GGTA1: variants seen among roughly 807,000 people sequenced by gnomAD.
GGTA1 encodes the protein inactive N-acetyllactosaminide alpha-1,3-galactosyltransferase.
A neutral mutation model predicts 2.6 loss-of-function variants in GGTA1; 5 were observed. The ratio of observed to expected loss-of-function variants is 1.92; its 90% confidence interval spans 1.00 to 4.04. The LOEUF (loss-of-function observed/expected upper bound fraction) is 4.04. Among genes scored for constraint, GGTA1 ranks in the 30% most tolerant of loss-of-function variants. The probability of loss-of-function intolerance (pLI) is 0.00; values close to 1 mark genes in which losing one functional copy is unlikely to be tolerated. For missense variants in GGTA1, 50 were observed against 16.7 expected, an observed-to-expected ratio of 2.99 and a Z score of -3.47; for synonymous variants, 17 against 5.0, an observed-to-expected ratio of 3.38 and a Z score of -3.19.
rs111886487 is a variant in GGTA1 at position 121,475,205 on chromosome 9, A to T, written c.-9-7274T>A. On this transcript the variant is annotated intron_variant, in intron 1 of 5. Coordinates refer to ENST00000481799, the MANE Select transcript of GGTA1 (RefSeq NM_001382585.1). ...CCAAACCAAGATGGCGATGAGAGTGACCTCTGGTCCTCCTCACTGCTACAC... is the reference window on the plus strand; with the variant it reads ...CCAAACCAAGATGGCGATGAGAGTGTCCTCTGGTCCTCCTCACTGCTACAC... Among the ~76,000 whole-genome samples the T allele has an allele frequency of 4.8e-4, 73 of 152,106 alleles. 1 individual carries two copies. Among genetic ancestry groups the T allele is most frequent in the African/African-American group, 1.4e-3 (60 of 41,482 alleles).
intron 2 of GGTA1, among the ~76,000 whole-genome samples, chr9:121,463,920 A>G (rs1387973798): frequency 6.6e-6 from 1 of 152,158 alleles, no homozygotes; most frequent in Non-Finnish European, 1.5e-5. Flanking sequence ...AGAGCCTTCT[A>G]TAGAACAGCC....
At chr9:121,457,335 T>G (rs1280140598) in intron 5 of GGTA1, among the ~76,000 whole-genome samples, 1 of 152,118 alleles carries the variant, frequency 6.6e-6, no homozygotes, top group East Asian at 1.9e-4. Context: ...GGGCTAAAGA[T>G]TTAAATGTAG....
intron 1 of GGTA1, among the ~76,000 whole-genome samples, chr9:121,472,700 C>G (rs1305856258): frequency 1.3e-5 from 2 of 151,146 alleles, no homozygotes; most frequent in South Asian, 2.1e-4. Flanking sequence ...GCTACAACCC[C>G]CTATGTGTGC....
intron 1 of GGTA1, among the ~76,000 whole-genome samples, chr9:121,495,216 G>A (rs1407865695): frequency 6.6e-6 from 1 of 151,818 alleles, no homozygotes. Flanking sequence ...CACCACACCT[G>A]GCCTCTCCTG....
chr9:121,487,143 G>A (rs1828774022), intron 1 of GGTA1, among the ~76,000 whole-genome samples: 1 of 152,152 alleles, frequency 6.6e-6, no homozygotes, highest in Admixed American at 6.5e-5. Flanking sequence ...AGATTCACTA[G>A]CAAAGGAAGA....
At chr9:121,452,585 C>G (rs968093587), downstream of GGTA1, among the ~76,000 whole-genome samples, 1 of 152,068 alleles carries the variant, frequency 6.6e-6, no homozygotes, top group African/African-American at 2.4e-5. Flanking sequence ...GTGGCAGGAT[C>G]TTGGCTCACT....
At chr9:121,485,948 A>T (rs1395056928) in intron 1 of GGTA1, among the ~76,000 whole-genome samples, 3 of 152,176 alleles carry the variant, frequency 2.0e-5, no homozygotes, top group South Asian at 4.1e-4. Flanking sequence ...CACCACCACC[A>T]AAAACCCATT....
At chr9:121,449,507 G>A (rs866428849) in intron 7 of GGTA1, among the ~76,000 whole-genome samples, 25 of 152,258 alleles carry the variant, frequency 1.6e-4, no homozygotes, top group Admixed American at 5.2e-4. Flanking sequence ...GTATTTAGTG[G>A]TATTTTAACT....
chr9:121,474,633 G>A lies in GGTA1; in HGVS notation c.-9-6702C>T, dbSNP rs117172288. On this transcript the variant is annotated intron_variant, in intron 1 of 5. Transcript: ENST00000481799. ...TCTCACAGTTCCACCCCAACAGGGC[G>A]AAGTCAAGGTAATTCGTTCCAAACA... 4.7e-4 allele frequency among the ~76,000 whole-genome samples: 71 copies of A among 152,238 alleles called. No individual in the cohort carries two copies. The East Asian group carries it at 0.012, about 26-fold the overall frequency.
intron 1 of GGTA1, among the ~76,000 whole-genome samples, chr9:121,490,688 G>T (rs978387541): frequency 3.3e-4 from 50 of 152,354 alleles, no homozygotes; most frequent in African/African-American, 1.2e-3. Flanking sequence ...GCAAGAGCTA[G>T]AATTAGCTCC....
Position 121,487,306 on chromosome 9 carries a change from C to T in GGTA1, c.-10+12344G>A, listed in dbSNP as rs371197562. On this transcript the variant is annotated intron_variant, in intron 1 of 5. Transcript: ENST00000481799. Reference sequence around the variant, plus strand: ...TTAAAGATGAGGCTCAGGCTGCGCGCGGTGACTCACACCTTAATCCCAGCA... The same window carrying T: ...TTAAAGATGAGGCTCAGGCTGCGCGTGGTGACTCACACCTTAATCCCAGCA... Among the ~76,000 whole-genome samples, 36 of 149,988 alleles carry T rather than the reference C, an allele frequency of 2.4e-4. No homozygotes were observed. The South Asian group carries it at 6.8e-3, about 29-fold the overall frequency.
At chr9:121,446,392 GGACGGACTACA>G (rs1308738982) in exon 8 of GGTA1, 7 of 152,244 alleles carry the variant, frequency 4.6e-5, no homozygotes, top group Non-Finnish European at 1.0e-4. Context: ...GATGAGAAAA[GGACGGACTACA>G]GATGGTCTGA....
In GGTA1 at chr9:121,476,160, G is replaced by C. The variant is rs1169532136; in HGVS notation, c.-9-8229C>G. Among the ~76,000 whole-genome samples, 1 of 152,166 alleles carries C rather than the reference G, an allele frequency of 6.6e-6. No individual in the cohort carries two copies. The highest frequency in any genetic ancestry group is 2.4e-5 in the African/African-American group (1 of 41,436). Reference sequence around the variant, plus strand: ...AGCAGGGCTGTGAGTTCATCTGAGAGGGGAATCTTGATGGGCAGCATCTCT... The same window carrying C: ...AGCAGGGCTGTGAGTTCATCTGAGACGGGAATCTTGATGGGCAGCATCTCT... On this transcript the variant is annotated intron_variant, in intron 1 of 5. Coordinates refer to ENST00000481799, the MANE Select transcript of GGTA1 (RefSeq NM_001382585.1). This position sits in a 1 kb window ranked among gnomAD's most constrained non-coding sequence, Gnocchi z 4.6.
chr9:121,480,222 AT>A (rs1252018964), intron 1 of GGTA1, among the ~76,000 whole-genome samples: 1 of 151,386 alleles, frequency 6.6e-6, no homozygotes, highest in African/African-American at 2.4e-5. Context: ...CGCCCAGCTG[AT>A]TTTTTTGTAT....
chr9:121,448,642 A>G (rs1243677022), intron 7 of GGTA1, among the ~76,000 whole-genome samples: 3 of 152,226 alleles, frequency 2.0e-5, no homozygotes, highest in Non-Finnish European at 4.4e-5. Context: ...TTAAAAAAGG[A>G]AAAATAAGGA....
At chr9:121,459,704 A>C (rs2064944029) in intron 5 of GGTA1, among the ~76,000 whole-genome samples, 1 of 152,116 alleles carries the variant, frequency 6.6e-6, no homozygotes. Context: ...CTCAGGTCTC[A>C]AAGTCACCCT....
intron 1 of GGTA1, among the ~76,000 whole-genome samples, chr9:121,473,675 C>T (rs1275908693): frequency 2.0e-5 from 3 of 152,124 alleles, no homozygotes; most frequent in Non-Finnish European, 4.4e-5. Flanking sequence ...CTTGTAATCC[C>T]AGCACTTTGG....
At chr9:121,477,152 T>C (rs947435070) in intron 1 of GGTA1, among the ~76,000 whole-genome samples, 7 of 152,220 alleles carry the variant, frequency 4.6e-5, no homozygotes, top group Admixed American at 4.6e-4. Context: ...AGTTTTCTCA[T>C]GATCTGGCTG....
intron 2 of GGTA1, among the ~76,000 whole-genome samples, chr9:121,464,998 AAAC>A: frequency 6.7e-6 from 1 of 148,520 alleles, no homozygotes; most frequent in Non-Finnish European, 1.5e-5. Flanking sequence ...CAAAAAAACA[AAAC>A]AAACAAAAAA....
Sources: allele counts gnomAD v4.1 joint callset (sites outside exome capture counted in the v4.1 genomes callset), GRCh38; gene constraint gnomAD v4.1.1; non-coding constraint Gnocchi (gnomAD v3.1); transcripts MANE v1.5; gene names NCBI Gene and HGNC (gene_info 2026-07-23, HGNC 2026-07-21).